Variants in KCTD9 observed in about 807,000 individuals in gnomAD.
KCTD9 encodes BTB/POZ domain-containing protein KCTD9.
In KCTD9, 17 loss-of-function variants were observed where a neutral mutation model predicts 53.3. That is an observed-to-expected ratio of 0.32 (90% confidence interval 0.22 to 0.48). The LOEUF (loss-of-function observed/expected upper bound fraction) is 0.48, where lower values mean the gene tolerates loss of function less well. Among genes scored for constraint, KCTD9 ranks in the 20% least tolerant of loss-of-function variants. The pLI, the probability that KCTD9 is intolerant of heterozygous loss-of-function variation, is 0.99. For missense variants in KCTD9, 179 were observed against 465.5 expected, an observed-to-expected ratio of 0.38 and a Z score of 5.66; for synonymous variants, 128 against 162.7, an observed-to-expected ratio of 0.79 and a Z score of 1.62.
In KCTD9 at chr8:25,458,414, C is replaced by G; in HGVS notation, c.-168G>C. On this transcript the variant is annotated 5_prime_UTR_variant, in exon 1 of 12. Transcript: ENST00000221200. The stretch of plus-strand genomic sequence containing the variant: ...CACACGCACGCACTCTGTCCCACAC[C>G]CAAGGTTCGGCCGGTCCTCCTTCCC... 1 of 756,896 alleles carries G rather than the reference C, an allele frequency of 1.3e-6. No individual in the cohort carries two copies. The highest frequency in any genetic ancestry group is 2.2e-6 in the Non-Finnish European group (1 of 451,464). The allele number at this position is 756,896 out of a possible 1,614,324, so 46.9% of individuals were successfully genotyped here. A position where few individuals can be genotyped will look rare whatever the true frequency, so the allele number is the denominator to read the frequency against.
At position 25,436,317 on chromosome 8, in the gene KCTD9, G is replaced by A. The variant is rs763402089; in HGVS notation, c.581C>T (p.Pro194Leu). The A allele has an allele frequency of 7.4e-6, 12 of 1,612,214 alleles. No individual in the cohort carries two copies. Among genetic ancestry groups the A allele is most frequent in the Middle Eastern group, 1.8e-4 (1 of 5,566 alleles). Reference protein sequence around the residue: ...LEVAIKNSQPPEDHSPISRKE... With the variant: ...LEVAIKNSQPLEDHSPISRKE... ...TCGGGATATTGGTGAATGATCCTCCGGTGGTTGAGAATTCTTAAAAAAGAC... is the reference window on the plus strand; with the variant it reads ...TCGGGATATTGGTGAATGATCCTCCAGTGGTTGAGAATTCTTAAAAAAGAC... Residue 194 changes from proline to leucine, a missense_variant, in exon 8 of 12, where the codon CCG (proline) becomes CTG (leucine). This residue lies in a region of KCTD9 where 115 missense variants were observed against 250.9 expected (regional missense o/e 0.46). Coordinates refer to ENST00000221200, the MANE Select transcript of KCTD9 (RefSeq NM_017634.4).
Position 25,458,397 on chromosome 8 carries a change from C to G in KCTD9, c.-151G>C. The G allele has an allele frequency of 1.2e-6, 1 of 836,344 alleles. No individual in the cohort carries two copies. The highest frequency in any genetic ancestry group is 1.6e-5 in the South Asian group (1 of 62,282). 51.8% of individuals were successfully genotyped at this position (836,344 alleles called of 1,614,324 possible). ...TGCCCTTGGGGACACACCACACGCA[C>G]GCACTCTGTCCCACACCCAAGGTTC... On this transcript the variant is annotated 5_prime_UTR_variant, in exon 1 of 12. Coordinates refer to ENST00000221200, the MANE Select transcript of KCTD9 (RefSeq NM_017634.4).
At chr8:25,434,860 T>C (rs1801990774) in intron 9 of KCTD9, among the ~76,000 whole-genome samples, 1 of 152,162 alleles carries the variant, frequency 6.6e-6, no homozygotes, top group South Asian at 2.1e-4. Context: ...TATAAATACA[T>C]ACATATACAT....
At chr8:25,440,294 G>A (rs1323674858) in intron 4 of KCTD9, among the ~76,000 whole-genome samples, 7 of 151,830 alleles carry the variant, frequency 4.6e-5, no homozygotes, top group Admixed American at 2.0e-4. Flanking sequence ...TCCTGACCTC[G>A]TGATCCGCCC....
intron 1 of KCTD9, among the ~76,000 whole-genome samples, chr8:25,453,610 T>C (rs1802375013): frequency 1.4e-5 from 2 of 146,158 alleles, no homozygotes; most frequent in East Asian, 2.0e-4. Context: ...CCAGAGATCA[T>C]GCCACTGCAC....
intron 1 of KCTD9, among the ~76,000 whole-genome samples, chr8:25,453,956 A>T (rs1802381419): frequency 6.6e-6 from 1 of 152,242 alleles, no homozygotes; most frequent in Non-Finnish European, 1.5e-5. Flanking sequence ...TCAGAGGCAG[A>T]GGTTCAGATA....
At chr8:25,433,270 G>A in intron 10 of KCTD9, 60 bp downstream of exon 10, 1 of 893,090 alleles carries the variant, frequency 1.1e-6, no homozygotes. Context: ...ATTTTCCAGG[G>A]CTTTTTTCCT....
chr8:25,455,536 T>G (rs1802416375), intron 1 of KCTD9, among the ~76,000 whole-genome samples: 1 of 152,242 alleles, frequency 6.6e-6, no homozygotes, highest in Admixed American at 6.5e-5. Flanking sequence ...TCATGGTTTA[T>G]ACATACTAGG....
At chr8:25,458,172 C>A in intron 1 of KCTD9, 27 bp downstream of exon 1, 1 of 1,501,292 alleles carries the variant, frequency 6.7e-7, no homozygotes, top group Non-Finnish European at 9.1e-7. Context: ...ACCCCCGGCC[C>A]GCCGCGCCCC....
intron 9 of KCTD9, among the ~76,000 whole-genome samples, chr8:25,434,188 C>T (rs533624772): frequency 5.2e-4 from 79 of 152,196 alleles, no homozygotes; most frequent in Non-Finnish European, 9.3e-4. Context: ...CAATCTCTGC[C>T]TCCCAAGTTC....
chr8:25,452,863 T>G (rs4872312), intron 1 of KCTD9, among the ~76,000 whole-genome samples: 4 of 152,196 alleles, frequency 2.6e-5, no homozygotes, highest in Admixed American at 2.0e-4. Context: ...GAGAATTATA[T>G]TGAACGAAAA....
chr8:25,429,601 T>C lies in KCTD9; in HGVS notation c.*256A>G, dbSNP rs569487636. ...GGTCATAAAACCAGGTAAACCCCCC[T>C]ACCCCATTCAAAAGGCAGCAATATC... On this transcript the variant is annotated 3_prime_UTR_variant, in exon 12 of 12. Transcript: ENST00000221200. 626 of 354,252 alleles carry C rather than the reference T, an allele frequency of 1.8e-3. 7 individuals are homozygous for C. The highest frequency in any genetic ancestry group is 0.012 in the African/African-American group (578 of 46,994). The allele number at this position is 354,252 out of a possible 1,614,324, so 21.9% of individuals were successfully genotyped here.
intron 1 of KCTD9, among the ~76,000 whole-genome samples, chr8:25,448,489 A>G (rs1454865986): frequency 6.6e-6 from 1 of 152,220 alleles, no homozygotes; most frequent in Non-Finnish European, 1.5e-5. Context: ...AATGTAAACA[A>G]TGTCAATGAA....
chr8:25,452,201 A>G (rs1397848724), intron 1 of KCTD9, among the ~76,000 whole-genome samples: 1 of 152,192 alleles, frequency 6.6e-6, no homozygotes, highest in Admixed American at 6.5e-5. Context: ...TTATTCTTTA[A>G]AAGATGAGAT....
At chr8:25,458,173 G>GCCCCCCCA in intron 1 of KCTD9, 26 bp downstream of exon 1, 1 of 581,716 alleles carries the variant, frequency 1.7e-6, no homozygotes. Flanking sequence ...CCCCCGGCCC[G>GCCCCCCCA]CCGCGCCCCC....
At chr8:25,452,363 T>C (rs936187560) in intron 1 of KCTD9, among the ~76,000 whole-genome samples, 2 of 152,188 alleles carry the variant, frequency 1.3e-5, no homozygotes, top group African/African-American at 4.8e-5. Context: ...TGCAATGACT[T>C]TGAAAAACAA....
intron 4 of KCTD9, among the ~76,000 whole-genome samples, chr8:25,440,215 C>G (rs568157028): frequency 6.6e-6 from 1 of 151,482 alleles, no homozygotes; most frequent in Non-Finnish European, 1.5e-5. Context: ...CCCGCCACTA[C>G]GCCCGGCTAA....
At chr8:25,447,116 G>A (rs547553072) in intron 1 of KCTD9, among the ~76,000 whole-genome samples, 7 of 152,134 alleles carry the variant, frequency 4.6e-5, no homozygotes, top group Non-Finnish European at 1.0e-4. Flanking sequence ...GGTAAGGGTC[G>A]GGCGCAGTGG....
chr8:25,439,507 A>C, intron 5 of KCTD9, 99 bp downstream of exon 5: 2 of 1,559,038 alleles, frequency 1.3e-6, no homozygotes, highest in Middle Eastern at 1.7e-4. Context: ...TACTCTTAAA[A>C]ACTGACATAA....
Sources: allele counts gnomAD v4.1 joint callset (sites outside exome capture counted in the v4.1 genomes callset), GRCh38; gene constraint gnomAD v4.1.1; regional missense constraint gnomAD v4.1.1; transcripts MANE v1.5; gene names NCBI Gene and HGNC (gene_info 2026-07-23, HGNC 2026-07-21).